The following ITPR1 variants were observed in gnomAD, a reference collection of about 807,000 sequenced individuals.
ITPR1 encodes the protein inositol 1,4,5-trisphosphate-gated calcium channel ITPR1.
ITPR1 carries 96 observed loss-of-function variants against 318.4 expected under a neutral mutation model. That is an observed-to-expected ratio of 0.30 (90% CI 0.26 to 0.36). ITPR1 has a LOEUF of 0.36. Among genes scored for constraint, ITPR1 ranks in the 10% least tolerant of loss-of-function variants. The pLI is 1.00. For synonymous variants in ITPR1, 1,312 were observed against 1,289.9 expected (o/e 1.02, Z -0.37); for missense variants, 2,440 against 3,460.2 (o/e 0.71, Z 7.40).
Position 4,691,280 on chromosome 3 carries a change from TACAG to T in ITPR1, c.3969_3972del (p.Thr1324LeufsTer40). ...CGGAATGTCCAGTATATAAAGTTCT[TACAG>T]ACAATTGTCAAGGCAGAAGGGAAAT... On this transcript the variant is annotated frameshift_variant, in exon 32 of 62. Coordinates refer to ENST00000649015, the MANE Select transcript of ITPR1 (RefSeq NM_001378452.1). LOFTEE classifies it high-confidence loss of function. 1.9e-6 allele frequency: 3 copies of T among 1,613,548 alleles called. No homozygotes were observed. The highest frequency in any genetic ancestry group is 2.5e-6 in the Non-Finnish European group (3 of 1,179,572).
rs17040820 is a variant in ITPR1, at chr3:4,515,010, C to T, written c.-16-1466C>T. 9.8e-3 allele frequency among the ~76,000 whole-genome samples: 1,497 copies of T among 152,264 alleles called. 34 individuals are homozygous for T. Among genetic ancestry groups the T allele is most frequent in the African/African-American group, 0.034 (1,398 of 41,544 alleles). ...CCCTCAAGGTCTAGAGATGCTGGCTCTTTTGTTTGAGAGTTTATTCTGTGT... is the reference window on the plus strand; with the variant it reads ...CCCTCAAGGTCTAGAGATGCTGGCTTTTTTGTTTGAGAGTTTATTCTGTGT... On this transcript the variant is annotated intron_variant, in intron 2 of 61. Coordinates refer to ENST00000649015, the MANE Select transcript of ITPR1 (RefSeq NM_001378452.1).
At chr3:4,700,384 C>G (rs913902240) in intron 35 of ITPR1, among the ~76,000 whole-genome samples, 1 of 152,178 alleles carries the variant, frequency 6.6e-6, no homozygotes, top group African/African-American at 2.4e-5. Flanking sequence ...TCCCTTGTAC[C>G]TGGCATTGTG....
At chr3:4,677,355 A>G (rs908042918) in intron 24 of ITPR1, among the ~76,000 whole-genome samples, 8 of 152,218 alleles carry the variant, frequency 5.3e-5, no homozygotes, top group African/African-American at 1.9e-4. Context: ...GAGACGTTAA[A>G]AAGTAAAGGA....
At chr3:4,522,480 G>A (rs73807284) in intron 4 of ITPR1, among the ~76,000 whole-genome samples, 2,188 of 152,314 alleles carry the variant, frequency 0.014, 39 homozygotes, top group African/African-American at 0.047. Flanking sequence ...TCCAGTTGGC[G>A]TGAGACAATC....
chr3:4,540,518 G>GT (rs1301667593), intron 4 of ITPR1, among the ~76,000 whole-genome samples: 15 of 152,120 alleles, frequency 9.9e-5, no homozygotes, highest in Admixed American at 9.8e-4. Flanking sequence ...AATTTGTGGG[G>GT]TTTTTTAAAT....
rs1361313120 is a variant in ITPR1 at position 4,706,364 on chromosome 3, G to A, written c.4842+13G>A. ...TGAGAGATTGCAGGTAATGCCTGGT[G>A]TTGAGAGAAGTGATGCTTAGCCTGG... On this transcript the variant is annotated intron_variant, in intron 37 of 61. Transcript: ENST00000649015. 3.8e-6 allele frequency: 6 copies of A among 1,593,664 alleles called. No individual in the cohort carries two copies. In the South Asian group the frequency reaches 5.7e-5, roughly 15 times the overall value.
chr3:4,508,407 G>A (rs1431648604), intron 2 of ITPR1, among the ~76,000 whole-genome samples: 1 of 151,216 alleles, frequency 6.6e-6, no homozygotes, highest in Non-Finnish European at 1.5e-5. Context: ...CTCAGTTTCA[G>A]GAGTTGTTAA....
At chr3:4,602,125 G>A (rs2091332623) in intron 4 of ITPR1, among the ~76,000 whole-genome samples, 1 of 152,148 alleles carries the variant, frequency 6.6e-6, no homozygotes, top group Admixed American at 6.6e-5. Flanking sequence ...GTAAAAGTTA[G>A]GCAATTCCTC....
intron 60 of ITPR1, among the ~76,000 whole-genome samples, chr3:4,823,888 AAATAT>A (rs2049890367): frequency 6.6e-6 from 1 of 152,214 alleles, no homozygotes; most frequent in South Asian, 2.1e-4. Context: ...CAAATGAAAA[AAATAT>A]AAGACATGTC....
At chr3:4,746,007 T>C (rs2044080885) in intron 44 of ITPR1, among the ~76,000 whole-genome samples, 1 of 152,220 alleles carries the variant, frequency 6.6e-6, no homozygotes, top group African/African-American at 2.4e-5. Flanking sequence ...ATGAGCCAGA[T>C]AGTTGGCACT....
At chr3:4,614,305 G>T (rs11709423) in intron 4 of ITPR1, among the ~76,000 whole-genome samples, 1 of 152,118 alleles carries the variant, frequency 6.6e-6, no homozygotes, top group Admixed American at 6.5e-5. Context: ...ATTCATCCAT[G>T]TTGTAACAGT....
chr3:4,511,338 T>A (rs546414977), intron 2 of ITPR1, among the ~76,000 whole-genome samples: 1 of 152,214 alleles, frequency 6.6e-6, no homozygotes, highest in Non-Finnish European at 1.5e-5. Flanking sequence ...AGGGAGCAAT[T>A]TCAATAGAGG....
chr3:4,785,345 C>T (rs1413646791), intron 51 of ITPR1, among the ~76,000 whole-genome samples: 1 of 152,178 alleles, frequency 6.6e-6, no homozygotes, highest in Non-Finnish European at 1.5e-5. Context: ...AGGCTTTGAG[C>T]AGTAAGGAAT....
At chr3:4,814,363 A>G (rs2049143303) in intron 57 of ITPR1, 60 bp from the exon 58 acceptor site, 1 of 1,582,518 alleles carries the variant, frequency 6.3e-7, no homozygotes, top group East Asian at 2.2e-5. Flanking sequence ...AGGATTTCAA[A>G]ATCCCGGTCT....
At position 4,665,309 on chromosome 3, in the gene ITPR1, C is replaced by T; in HGVS notation, c.1713+13C>T. The T allele has an allele frequency of 1.3e-6, 2 of 1,597,360 alleles. No homozygotes were observed. Among genetic ancestry groups the T allele is most frequent in the South Asian group, 2.2e-5 (2 of 89,668 alleles). ...CAGGAAGAACCAGGTTTGGATTAAG[C>T]ATTGGTGGGATGTGGTTGTCAGTTT... On this transcript the variant is annotated intron_variant, in intron 17 of 61. Transcript: ENST00000649015.
chr3:4,662,613 C>G (rs1424201379), intron 15 of ITPR1, among the ~76,000 whole-genome samples: 2 of 152,110 alleles, frequency 1.3e-5, no homozygotes, highest in African/African-American at 4.8e-5. Context: ...ATCCCAGCTC[C>G]TCAGGAAGCT....
At chr3:4,730,955 G>A (rs2042889128) in intron 42 of ITPR1, among the ~76,000 whole-genome samples, 1 of 152,178 alleles carries the variant, frequency 6.6e-6, no homozygotes, top group South Asian at 2.1e-4. Context: ...TGTTCTCACA[G>A]TGCCAAAGGG....
At chr3:4,807,115 CAAAGAGAGGGGGG>C (rs2048614689) in intron 55 of ITPR1, among the ~76,000 whole-genome samples, 3 of 3,378 alleles carry the variant, frequency 8.9e-4, no homozygotes, top group African/African-American at 2.0e-3. Flanking sequence ...GGGGGGCTTA[CAAAGAGAGGGGGG>C]CTTACAAAGA....
intron 4 of ITPR1, among the ~76,000 whole-genome samples, chr3:4,547,871 G>C (rs1485788321): frequency 2.0e-5 from 3 of 152,070 alleles, no homozygotes; most frequent in Non-Finnish European, 4.4e-5. Context: ...TTGTGCGGAG[G>C]CCTTTGAGTA....
Sources: allele counts gnomAD v4.1 joint callset (sites outside exome capture counted in the v4.1 genomes callset), GRCh38; gene constraint gnomAD v4.1.1; transcripts MANE v1.5; gene names NCBI Gene and HGNC (gene_info 2026-07-23, HGNC 2026-07-21).